The following CHN1 variants were observed in gnomAD, a reference collection of about 807,000 sequenced individuals.
CHN1 encodes N-chimaerin.
CHN1 carries 37 observed loss-of-function variants against 59.5 expected under a neutral mutation model. The ratio of observed to expected loss-of-function variants is 0.62; its 90% CI spans 0.48 to 0.82. The LOEUF (loss-of-function observed/expected upper bound fraction) is 0.82, where lower values mean the gene tolerates loss of function less well. CHN1 is among the 40% of genes least tolerant of loss of function. CHN1 has a pLI of 0.00. For missense variants in CHN1, 469 were observed against 571.0 expected, an observed-to-expected ratio of 0.82 and a Z score of 1.82; for synonymous variants, 206 against 200.4, an observed-to-expected ratio of 1.03 and a Z score of -0.24.
chr2:174,880,744 C>A (rs1236348766), intron 5 of CHN1, among the ~76,000 whole-genome samples: 1 of 152,054 alleles, frequency 6.6e-6, no homozygotes, highest in African/African-American at 2.4e-5. Flanking sequence ...ACACAAAGTG[C>A]TAAATTTAAA....
At chr2:174,872,548 T>C (rs760621764) in intron 6 of CHN1, among the ~76,000 whole-genome samples, 1 of 152,034 alleles carries the variant, frequency 6.6e-6, no homozygotes, top group Non-Finnish European at 1.5e-5. Flanking sequence ...CACAGGAAAA[T>C]AATATATTTT....
intron 1 of CHN1, among the ~76,000 whole-genome samples, chr2:174,996,446 C>G (rs1285950270): frequency 6.6e-6 from 1 of 152,172 alleles, no homozygotes; most frequent in East Asian, 1.9e-4. Flanking sequence ...ATATTAGCTA[C>G]TATGTATCTT....
chr2:174,950,490 G>GACCTCAGGTGATCCACCC (rs1689990544), intron 2 of CHN1, among the ~76,000 whole-genome samples: 1 of 151,826 alleles, frequency 6.6e-6, no homozygotes, highest in Admixed American at 6.6e-5. Context: ...ACAAATTCCT[G>GACCTCAGGTGATCCACCC]ACCTCAGGTG....
At chr2:174,889,121 G>T (rs529381281) in intron 5 of CHN1, among the ~76,000 whole-genome samples, 26 of 152,248 alleles carry the variant, frequency 1.7e-4, no homozygotes, top group African/African-American at 6.0e-4. Context: ...AAAGAAACCA[G>T]CAAATCTCTC....
At chr2:174,955,003 G>A (rs943157066) in intron 1 of CHN1, among the ~76,000 whole-genome samples, 2 of 151,658 alleles carry the variant, frequency 1.3e-5, no homozygotes, top group Admixed American at 1.3e-4. Flanking sequence ...GTTTATAGCA[G>A]CACAATTCAC....
At chr2:174,975,493 C>T (rs1333900366) in intron 1 of CHN1, among the ~76,000 whole-genome samples, 2 of 151,974 alleles carry the variant, frequency 1.3e-5, no homozygotes, top group Non-Finnish European at 2.9e-5. Context: ...CACTTACCTA[C>T]TAAAAAAACA....
At chr2:174,884,359 G>C (rs1363927219) in intron 5 of CHN1, among the ~76,000 whole-genome samples, 1 of 151,948 alleles carries the variant, frequency 6.6e-6, no homozygotes, top group Non-Finnish European at 1.5e-5. Flanking sequence ...TATTATAATG[G>C]AAGAACACAC....
At chr2:174,949,712 T>G (rs186990757) in intron 2 of CHN1, among the ~76,000 whole-genome samples, 3 of 152,236 alleles carry the variant, frequency 2.0e-5, no homozygotes, top group Admixed American at 2.0e-4. Context: ...CATACTCAAA[T>G]CTTGGAAGAT....
intron 1 of CHN1, among the ~76,000 whole-genome samples, chr2:174,979,304 C>G (rs1461571243): frequency 6.6e-6 from 1 of 152,108 alleles, no homozygotes; most frequent in Non-Finnish European, 1.5e-5. Context: ...GGAATTTTTA[C>G]ATAGAATAAT....
At chr2:174,967,970 T>C (rs1419838820) in intron 1 of CHN1, among the ~76,000 whole-genome samples, 1 of 152,204 alleles carries the variant, frequency 6.6e-6, no homozygotes, top group Non-Finnish European at 1.5e-5. Context: ...TATTAGAATG[T>C]GCATTATTCT....
At chr2:174,927,137 A>G (rs910630757) in intron 3 of CHN1, among the ~76,000 whole-genome samples, 4 of 152,126 alleles carry the variant, frequency 2.6e-5, no homozygotes, top group Non-Finnish European at 4.4e-5. Context: ...CCTCACAATC[A>G]TCTTTAGAGA....
intron 7 of CHN1, among the ~76,000 whole-genome samples, chr2:174,843,800 G>T (rs1442061959): frequency 1.3e-5 from 2 of 152,044 alleles, no homozygotes; most frequent in African/African-American, 2.4e-5. Context: ...TGTAGAGAGA[G>T]ATTAAGCAAT....
At position 174,812,619 on chromosome 2, in the gene CHN1, G is replaced by A; in HGVS notation, c.713-137C>T. The A allele has an allele frequency of 6.0e-6, 4 of 670,588 alleles. No homozygotes were observed. The South Asian group carries it at 7.2e-5, about 12-fold the overall frequency. The allele number at this position is 670,588 out of a possible 1,614,324, so 41.5% of individuals were successfully genotyped here. A position where few individuals can be genotyped will look rare whatever the true frequency, so the allele number is the denominator to read the frequency against. On this transcript the variant is annotated intron_variant, in intron 8 of 12. Coordinates refer to ENST00000409900, the MANE Select transcript of CHN1 (RefSeq NM_001822.7). ...GACTAGACTCCAGCAGTTCTTTCTT[G>A]GTGGAAAAACAATAATTTTCATCTT...
intron 11 of CHN1, among the ~76,000 whole-genome samples, chr2:174,806,964 A>G (rs1684904154): frequency 6.6e-6 from 1 of 152,232 alleles, no homozygotes; most frequent in Admixed American, 6.5e-5. Context: ...AGACATCCAA[A>G]TAACTGAAAT....
At chr2:174,830,296 A>C (rs1558942321) in intron 7 of CHN1, among the ~76,000 whole-genome samples, 1 of 152,194 alleles carries the variant, frequency 6.6e-6, no homozygotes, top group Non-Finnish European at 1.5e-5. Flanking sequence ...AAGTACTTTG[A>C]TTTATATTAT....
Position 174,877,983 on chromosome 2 carries a change from T to C in CHN1, c.406A>G (p.Lys136Glu). Residue 136 changes from lysine to glutamate, a missense_variant, in exon 6 of 13, where the codon AAG (lysine) becomes GAG (glutamate). Lys to Glu is a moderately conservative substitution (Grantham distance 56). Around this residue, in one of 5 missense-constraint regions of CHN1, gnomAD observed 152 missense variants for 166.1 expected, o/e 0.92. Coordinates refer to ENST00000409900, the MANE Select transcript of CHN1 (RefSeq NM_001822.7). ...IETKAAEYIA[K>E]MTINPIYEHV... is the part of the protein sequence containing the mutation. The stretch of plus-strand genomic sequence containing the variant: ...TCATAAATTGGGTTTATCGTCATCT[T>C]GGCAATGTATTCTGCTGCCTTGGTT... The C allele has an allele frequency of 6.2e-7, 1 of 1,613,926 alleles. No individual in the cohort carries two copies. Among genetic ancestry groups the C allele is most frequent in the East Asian group, 2.2e-5 (1 of 44,868 alleles).
Position 174,808,910 on chromosome 2 carries a change from G to C in CHN1, c.1097C>G (p.Ser366Cys), listed in dbSNP as rs1404069438. ...TYDAYPKFIESAKIMDPDEQL... is the reference protein window; with the variant it reads ...TYDAYPKFIECAKIMDPDEQL... Reference sequence around the variant, plus strand: ...ATACATGCATTCATACTTACTGGCAGATTCTATAAACTTAGGGTAGGCATC... The same window carrying C: ...ATACATGCATTCATACTTACTGGCACATTCTATAAACTTAGGGTAGGCATC... Residue 366 changes from serine (S) to cysteine (C), a missense_variant, in exon 11 of 13, where the codon TCT becomes TGT. Physicochemically the swap from Ser to Cys is moderately radical, Grantham distance 112 (BLOSUM62 -1). Around this residue, in one of 5 missense-constraint regions of CHN1, gnomAD observed 225 missense variants for 289.9 expected, o/e 0.78. Coordinates refer to ENST00000409900, the MANE Select transcript of CHN1 (RefSeq NM_001822.7). The C allele has an allele frequency of 6.2e-7, 1 of 1,613,650 alleles. No individual in the cohort carries two copies. The highest frequency in any genetic ancestry group is 1.7e-5 in the Admixed American group (1 of 60,024).
At chr2:174,831,088 A>T (rs1685864815) in intron 7 of CHN1, among the ~76,000 whole-genome samples, 1 of 152,224 alleles carries the variant, frequency 6.6e-6, no homozygotes, top group South Asian at 2.1e-4. Flanking sequence ...GACTATTAGG[A>T]CAGTCACCAG....
chr2:175,005,113 G>T lies in CHN1; in HGVS notation c.-201C>A. The T allele has an allele frequency of 7.6e-7, 1 of 1,319,580 alleles. No individual in the cohort carries two copies. Among genetic ancestry groups the T allele is most frequent in the Non-Finnish European group, 9.7e-7 (1 of 1,032,624 alleles). The allele number at this position is 1,319,580 out of a possible 1,614,324, so 81.7% of individuals were successfully genotyped here. A position where few individuals can be genotyped will look rare whatever the true frequency, so the allele number is the denominator to read the frequency against. On this transcript the variant is annotated 5_prime_UTR_variant, in exon 1 of 13. Transcript: ENST00000409900. ...AAAAAGTTATTCACGCGTTATTGTC[G>T]GGCGCACCGGGCCCAGGGAGCCCCG...
Sources: allele counts gnomAD v4.1 joint callset (sites outside exome capture counted in the v4.1 genomes callset), GRCh38; gene constraint gnomAD v4.1.1; regional missense constraint gnomAD v4.1.1; transcripts MANE v1.5; gene names NCBI Gene and HGNC (gene_info 2026-07-23, HGNC 2026-07-21).